ACYP2: variants seen among roughly 807,000 people sequenced by gnomAD.
The protein encoded by ACYP2 is acylphosphatase 2.
ACYP2 carries 12 observed loss-of-function variants against 11.2 expected under a neutral mutation model. The ratio of observed to expected loss-of-function variants is 1.08; its 90% CI spans 0.69 to 1.74. The LOEUF is 1.74. ACYP2 is among the 40% of genes most tolerant of loss of function. ACYP2 has a pLI of 0.00. For missense variants in ACYP2, 134 were observed against 101.9 expected (o/e 1.31, Z -1.35); for synonymous variants, 43 against 32.2 (o/e 1.33, Z -1.13).
intron 6 of ACYP2, among the ~76,000 whole-genome samples, chr2:54,256,486 G>T (rs1443708049): frequency 6.6e-6 from 1 of 152,110 alleles, no homozygotes; most frequent in Non-Finnish European, 1.5e-5. Flanking sequence ...AGTATCCGAG[G>T]CTTCTCCCTA....
intron 6 of ACYP2, among the ~76,000 whole-genome samples, chr2:54,235,658 G>C (rs1173172685): frequency 1.3e-5 from 2 of 152,032 alleles, no homozygotes. Flanking sequence ...CCAACCTATA[G>C]GGTTTTTTTT....
intron 2 of ACYP2, among the ~76,000 whole-genome samples, chr2:53,985,829 C>T (rs548840118): frequency 2.6e-5 from 4 of 152,162 alleles, no homozygotes; most frequent in East Asian, 3.9e-4. Context: ...CACCTGAAAG[C>T]GAGCTGTTTA....
At chr2:54,058,944 G>A (rs1193293354) in intron 4 of ACYP2, among the ~76,000 whole-genome samples, 1 of 152,006 alleles carries the variant, frequency 6.6e-6, no homozygotes, top group Admixed American at 6.6e-5. Context: ...ACTGGAGGTG[G>A]GTTATCTCAT....
intron 6 of ACYP2, among the ~76,000 whole-genome samples, chr2:54,276,619 TCA>T (rs3071186): frequency 0.05 from 7,349 of 146,118 alleles, 203 homozygotes; most frequent in African/African-American, 0.064. Context: ...GATTGTTCTT[TCA>T]CACACACACA....
intron 2 of ACYP2, among the ~76,000 whole-genome samples, chr2:54,046,602 A>G (rs1675538612): frequency 6.6e-6 from 1 of 152,094 alleles, no homozygotes. Flanking sequence ...CCTCGACAAA[A>G]TATTTGTTGA....
chr2:54,241,063 C>A lies in ACYP2; in HGVS notation c.405-63625C>A, dbSNP rs116128620. On this transcript the variant is annotated intron_variant, in intron 6 of 6. Transcript: ENST00000607452. ...CCTTTGGCTGGCTGGAGAGCAAGTG[C>A]CATTGACATGGCCCAAAGAGTATCA... Among the ~76,000 whole-genome samples, 527 of 152,250 alleles carry A rather than the reference C, an allele frequency of 3.5e-3. 4 individuals are homozygous for A. Among genetic ancestry groups the A allele is most frequent in the African/African-American group, 0.012 (493 of 41,524 alleles).
chr2:54,132,176 A>T (rs1476852268), intron 4 of ACYP2, among the ~76,000 whole-genome samples: 1 of 139,360 alleles, frequency 7.2e-6, no homozygotes, highest in East Asian at 2.2e-4. Context: ...TGATAAAAAG[A>T]CGCACACTTT....
At chr2:53,990,720 G>A (rs1672249003) in intron 2 of ACYP2, among the ~76,000 whole-genome samples, 1 of 151,098 alleles carries the variant, frequency 6.6e-6, no homozygotes, top group South Asian at 2.1e-4. Context: ...TAAAGCAGTG[G>A]TTGAGAGAGC....
chr2:54,050,014 T>C (rs1171457351), intron 2 of ACYP2, among the ~76,000 whole-genome samples: 2 of 152,198 alleles, frequency 1.3e-5, no homozygotes, highest in Non-Finnish European at 2.9e-5. Flanking sequence ...GCCTTCTCAG[T>C]GGACAGTTAG....
At chr2:54,220,530 A>T (rs986849124) in intron 6 of ACYP2, among the ~76,000 whole-genome samples, 1 of 152,208 alleles carries the variant, frequency 6.6e-6, no homozygotes, top group African/African-American at 2.4e-5. Flanking sequence ...TGAATTTTTT[A>T]AAATGACAGA....
At chr2:54,201,633 T>TC (rs1684801468) in intron 6 of ACYP2, among the ~76,000 whole-genome samples, 1 of 60,198 alleles carries the variant, frequency 1.7e-5, no homozygotes, top group Non-Finnish European at 3.5e-5. Context: ...TGTTTCTTTC[T>TC]TTCTCTTTCT....
intron 6 of ACYP2, among the ~76,000 whole-genome samples, chr2:54,192,320 T>A (rs1212746468): frequency 1.3e-5 from 2 of 152,154 alleles, no homozygotes; most frequent in Non-Finnish European, 2.9e-5. Context: ...AGTTTTAAAA[T>A]TTTCCCTAGT....
chr2:54,232,038 C>G (rs1686257558), intron 6 of ACYP2, among the ~76,000 whole-genome samples: 1 of 152,206 alleles, frequency 6.6e-6, no homozygotes, highest in Non-Finnish European at 1.5e-5. Context: ...TTGCTTTGCA[C>G]AAATTATGGC....
At chr2:54,219,910 T>A (rs79189854) in intron 6 of ACYP2, among the ~76,000 whole-genome samples, 2 of 136,868 alleles carry the variant, frequency 1.5e-5, no homozygotes, top group Non-Finnish European at 3.1e-5. Context: ...TATATATTTT[T>A]TTTTTTTTTT....
rs182366668 is a variant in ACYP2 at position 54,263,779 on chromosome 2, T to C, written c.405-40909T>C. ...CACCTTTTACAGTACTGGATAATCA[T>C]AGTAAAATAAATATACCAGAATTTC... On this transcript the variant is annotated intron_variant, in intron 6 of 6. Coordinates refer to ENST00000607452, the MANE Select transcript of ACYP2 (RefSeq NM_001320586.2). Among the ~76,000 whole-genome samples, 100 of 152,334 alleles carry C rather than the reference T, an allele frequency of 6.6e-4. 1 individual carries two copies. Among genetic ancestry groups the C allele is most frequent in the Admixed American group, 1.2e-3 (19 of 15,310 alleles).
At chr2:54,171,275 G>T (rs1160412815) in intron 6 of ACYP2, among the ~76,000 whole-genome samples, 1 of 151,952 alleles carries the variant, frequency 6.6e-6, no homozygotes, top group African/African-American at 2.4e-5. Flanking sequence ...TACTCAGAAG[G>T]GCTTCAAACA....
At chr2:54,255,096 G>C (rs1365206288) in intron 6 of ACYP2, 2 of 1,614,036 alleles carry the variant, frequency 1.2e-6, no homozygotes, top group Non-Finnish European at 1.7e-6. Flanking sequence ...CTGAAAACCA[G>C]GTGAAGAAGC....
chr2:54,280,794 A>G (rs193279105), intron 6 of ACYP2, among the ~76,000 whole-genome samples: 1 of 152,328 alleles, frequency 6.6e-6, no homozygotes, highest in East Asian at 1.9e-4. Flanking sequence ...GGGAAGAGAC[A>G]TTGAGTATAT....
At chr2:54,146,232 T>C (rs1361388560) in intron 6 of ACYP2, among the ~76,000 whole-genome samples, 4 of 152,206 alleles carry the variant, frequency 2.6e-5, no homozygotes, top group African/African-American at 9.7e-5. Flanking sequence ...ATACAAAGGA[T>C]TGGGAGTTAT....
Sources: gnomAD v4.1 joint callset for allele counts (sites outside exome capture counted in the v4.1 genomes callset) on GRCh38, gnomAD v4.1.1 for gene constraint, MANE v1.5 for transcripts, NCBI Gene and HGNC (gene_info 2026-07-23, HGNC 2026-07-21) for gene names.